The following CDKAL1 variants were observed in gnomAD, a reference collection of about 807,000 sequenced individuals.
CDKAL1 encodes CDKAL1 threonylcarbamoyladenosine tRNA methylthiotransferase.
A neutral mutation model predicts 68.2 loss-of-function variants in CDKAL1; 32 were observed. The observed-to-expected ratio is 0.47, with a 90% CI of 0.35 to 0.63. The LOEUF (loss-of-function observed/expected upper bound fraction) is 0.63, where lower values mean the gene tolerates loss of function less well. CDKAL1 is among the 30% of genes least tolerant of loss of function. The pLI is 0.00. For synonymous variants in CDKAL1, 234 were observed against 244.3 expected, an observed-to-expected ratio of 0.96 and a Z score of 0.39; for missense variants, 606 against 696.7, an observed-to-expected ratio of 0.87 and a Z score of 1.47.
chr6:21,199,207 T>C (rs1778590071), intron 14 of CDKAL1, among the ~76,000 whole-genome samples: 1 of 152,174 alleles, frequency 6.6e-6, no homozygotes. Flanking sequence ...GCTGCCTGTG[T>C]CAGAAGGCAG....
chr6:20,836,858 C>T (rs1468468314), intron 8 of CDKAL1, among the ~76,000 whole-genome samples: 1 of 152,106 alleles, frequency 6.6e-6, no homozygotes, highest in Middle Eastern at 3.2e-3. Context: ...CACTGTGCAG[C>T]TGAGGTCCGC....
intron 15 of CDKAL1, among the ~76,000 whole-genome samples, chr6:21,219,976 G>C (rs944199969): frequency 6.6e-6 from 1 of 152,302 alleles, no homozygotes; most frequent in East Asian, 1.9e-4. Flanking sequence ...CTATTGAAAA[G>C]ATTTCTTCAT....
intron 8 of CDKAL1, among the ~76,000 whole-genome samples, chr6:20,820,164 A>G (rs933249631): frequency 1.2e-4 from 18 of 152,154 alleles, no homozygotes; most frequent in African/African-American, 4.3e-4. Flanking sequence ...TGTAGGCTGC[A>G]TTGTCACCCA....
intron 8 of CDKAL1, among the ~76,000 whole-genome samples, chr6:20,843,775 G>T (rs1247430575): frequency 6.6e-6 from 1 of 152,120 alleles, no homozygotes; most frequent in Non-Finnish European, 1.5e-5. Context: ...CTTCCATTAA[G>T]ATTGTTCACT....
At chr6:21,107,048 C>T (rs9465968) in intron 12 of CDKAL1, among the ~76,000 whole-genome samples, 37,816 of 150,480 alleles carry the variant, frequency 0.25, 4,837 homozygotes, top group East Asian at 0.35. Context: ...CCCGGGTTCA[C>T]GCCATTCTCC....
At chr6:21,126,490 A>T (rs556374723) in intron 13 of CDKAL1, among the ~76,000 whole-genome samples, 1 of 152,242 alleles carries the variant, frequency 6.6e-6, no homozygotes, top group East Asian at 1.9e-4. Flanking sequence ...TCAGCTGAGC[A>T]CTCAACCTTG....
chr6:20,778,087 A>G (rs988119980), intron 7 of CDKAL1, among the ~76,000 whole-genome samples: 3 of 152,214 alleles, frequency 2.0e-5, no homozygotes, highest in African/African-American at 4.8e-5. Context: ...ACAGTTGAAT[A>G]TTCATATTAA....
At chr6:20,860,172 G>T (rs949927566) in intron 9 of CDKAL1, among the ~76,000 whole-genome samples, 5 of 152,066 alleles carry the variant, frequency 3.3e-5, no homozygotes, top group African/African-American at 9.7e-5. Context: ...TCGCCTCCCG[G>T]GTTCAAGCTA....
rs576816039 is a variant in CDKAL1 at position 20,978,544 on chromosome 6, A to T, written c.910-21683A>T. On this transcript the variant is annotated intron_variant, in intron 10 of 15. Coordinates refer to ENST00000274695, the MANE Select transcript of CDKAL1 (RefSeq NM_017774.3). ...TGTGAAAAATATAAACAGGAAACAG[A>T]TGTTAGGTGAGACATACAGATGCTG... is the stretch of plus-strand genomic sequence containing the variant. Among the ~76,000 whole-genome samples the T allele has an allele frequency of 3.3e-5, 5 of 152,312 alleles. No individual in the cohort carries two copies. In the South Asian group the frequency reaches 1.0e-3, roughly 32 times the overall value.
chr6:20,800,042 C>T (rs1045263000), intron 8 of CDKAL1, among the ~76,000 whole-genome samples: 30 of 152,332 alleles, frequency 2.0e-4, no homozygotes, highest in African/African-American at 7.0e-4. Context: ...GCAGGGCTGC[C>T]TATGAAAATC....
At chr6:20,920,732 T>G (rs909918735) in intron 9 of CDKAL1, among the ~76,000 whole-genome samples, 6 of 152,200 alleles carry the variant, frequency 3.9e-5, no homozygotes, top group African/African-American at 1.4e-4. Context: ...GCATTTACAA[T>G]GAAAAAAATT....
At chr6:20,989,812 A>G (rs1766694447) in intron 10 of CDKAL1, among the ~76,000 whole-genome samples, 1 of 152,172 alleles carries the variant, frequency 6.6e-6, no homozygotes, top group East Asian at 1.9e-4. Flanking sequence ...ATACAGCAAA[A>G]TTGAGTTTTT....
intron 13 of CDKAL1, among the ~76,000 whole-genome samples, chr6:21,141,071 T>G (rs977498352): frequency 6.6e-6 from 1 of 152,138 alleles, no homozygotes; most frequent in African/African-American, 2.4e-5. Flanking sequence ...CACATGGGAA[T>G]TCTGGGAGTT....
At chr6:20,816,128 C>A (rs1019455897) in intron 8 of CDKAL1, among the ~76,000 whole-genome samples, 2 of 137,382 alleles carry the variant, frequency 1.5e-5, no homozygotes, top group Non-Finnish European at 3.2e-5. Flanking sequence ...TGTCCCCCCC[C>A]CCGCCTTTTT....
chr6:21,194,939 T>G (rs1363558962), intron 13 of CDKAL1, among the ~76,000 whole-genome samples: 1 of 152,212 alleles, frequency 6.6e-6, no homozygotes, highest in Non-Finnish European at 1.5e-5. Context: ...GCATTTATTA[T>G]TTTTTGTTTG....
chr6:20,599,133 A>G (rs1765970885), intron 4 of CDKAL1, among the ~76,000 whole-genome samples: 1 of 152,174 alleles, frequency 6.6e-6, no homozygotes, highest in South Asian at 2.1e-4. Flanking sequence ...GTTCTCCTAT[A>G]ATCTCCAGGT....
At chr6:20,880,252 T>G (rs540282343) in intron 9 of CDKAL1, among the ~76,000 whole-genome samples, 62 of 105,038 alleles carry the variant, frequency 5.9e-4, no homozygotes, top group Admixed American at 1.7e-3. Context: ...TCAAAGAAAC[T>G]ACATTTTTTT....
intron 13 of CDKAL1, among the ~76,000 whole-genome samples, chr6:21,193,441 A>G (rs1005928830): frequency 6.6e-6 from 1 of 152,186 alleles, no homozygotes; most frequent in Non-Finnish European, 1.5e-5. Flanking sequence ...CTTAAACTTC[A>G]CAATTGAAAG....
intron 11 of CDKAL1, among the ~76,000 whole-genome samples, chr6:21,051,328 C>A (rs1476719447): frequency 6.6e-6 from 1 of 152,168 alleles, no homozygotes; most frequent in African/African-American, 2.4e-5. Context: ...AAGCCAAGAT[C>A]ACACTACTGC....
Sources: gnomAD v4.1 joint callset for allele counts (sites outside exome capture counted in the v4.1 genomes callset) on GRCh38, gnomAD v4.1.1 for gene constraint, MANE v1.5 for transcripts, NCBI Gene and HGNC (gene_info 2026-07-23, HGNC 2026-07-21) for gene names.